TENM1: variants seen among roughly 807,000 people sequenced by gnomAD.
TENM1 encodes the protein teneurin transmembrane protein 1.
A neutral mutation model predicts 174.8 loss-of-function variants in TENM1; 35 were observed. The observed-to-expected ratio is 0.20, with a 90% CI of 0.15 to 0.27. The LOEUF (loss-of-function observed/expected upper bound fraction) is 0.27. Ranked by LOEUF, TENM1 falls within the 10% of genes least tolerant of loss-of-function variation. The probability of loss-of-function intolerance (pLI) is 1.00; values close to 1 mark genes in which losing one functional copy is unlikely to be tolerated. For missense variants in TENM1, 1,633 were observed against 2,130.1 expected (o/e 0.77, Z 4.59); for synonymous variants, 781 against 798.7 (o/e 0.98, Z 0.37).
At chrX:124,410,310 C>T (rs781523304) in intron 25 of TENM1, among the ~76,000 whole-genome samples, 192 of 111,825 alleles carry the variant, frequency 1.7e-3, no homozygotes, top group African/African-American at 5.9e-3. Context: ...GAAAACTGGC[C>T]AGCCATATGT....
At chrX:124,924,197 T>C (rs2058061147) in intron 1 of TENM1, among the ~76,000 whole-genome samples, 1 of 111,979 alleles carries the variant, frequency 8.9e-6, no homozygotes, top group Admixed American at 9.5e-5. Context: ...AACCCCTTCT[T>C]AGAAATCTGC....
At chrX:124,937,750 A>G (rs2058267287) in intron 1 of TENM1, among the ~76,000 whole-genome samples, 1 of 111,973 alleles carries the variant, frequency 8.9e-6, no homozygotes, top group South Asian at 3.7e-4. Context: ...GATACTGATT[A>G]TACTGCAAGG....
chrX:124,944,407 C>G (rs1032680308), intron 1 of TENM1, among the ~76,000 whole-genome samples: 3 of 110,639 alleles, frequency 2.7e-5, no homozygotes, highest in Non-Finnish European at 5.7e-5. Context: ...CATCTCTATA[C>G]AGGCAGCTCA....
the TENM1 span, among the ~76,000 whole-genome samples, chrX:125,099,603 G>C: frequency 5.4e-5 from 6 of 111,947 alleles, no homozygotes; most frequent in Non-Finnish European, 1.1e-4. Flanking sequence ...AAAGAAAGCA[G>C]CTTCCAGTAA....
At position 124,901,367 on chromosome X, in the gene TENM1, C is replaced by T. The variant is rs141385783; in HGVS notation, c.218-5126G>A. Among the ~76,000 whole-genome samples the T allele has an allele frequency of 1.7e-3, 186 of 111,689 alleles. 1 individual carries two copies. The highest frequency in any genetic ancestry group is 5.8e-3 in the African/African-American group (178 of 30,754). On this transcript the variant is annotated intron_variant, in intron 1 of 31. Coordinates refer to ENST00000422452, the Ensembl canonical transcript of TENM1. ...AAATAAATGACTCTACTTTCTGAAT[C>T]TAGGGGTTGATCATCAGGTGTTCAG...
At chrX:124,527,179 C>T (rs1474570828) in intron 16 of TENM1, among the ~76,000 whole-genome samples, 5 of 111,908 alleles carry the variant, frequency 4.5e-5, no homozygotes, top group Non-Finnish European at 9.4e-5. Flanking sequence ...ATACAGTAGA[C>T]ACTCATAAAC....
chrX:124,547,922 T>C (rs952410378), intron 14 of TENM1, among the ~76,000 whole-genome samples: 1 of 112,029 alleles, frequency 8.9e-6, no homozygotes, highest in Admixed American at 9.4e-5. Context: ...CTGCAAGTTC[T>C]GCCTCCCGGG....
chrX:124,740,668 G>A (rs1418635568), intron 3 of TENM1, among the ~76,000 whole-genome samples: 1 of 111,867 alleles, frequency 8.9e-6, no homozygotes, highest in Non-Finnish European at 1.9e-5. Flanking sequence ...AAGCCTTTAT[G>A]AAATGCAAAT....
intron 22 of TENM1, among the ~76,000 whole-genome samples, chrX:124,465,041 C>T (rs931079051): frequency 9.0e-6 from 1 of 111,506 alleles, no homozygotes; most frequent in Non-Finnish European, 1.9e-5. Flanking sequence ...GGCTAGAAGC[C>T]AGAAGATCCA....
intron 22 of TENM1, among the ~76,000 whole-genome samples, chrX:124,455,241 T>C (rs2061091946): frequency 8.9e-6 from 1 of 112,091 alleles, no homozygotes; most frequent in African/African-American, 3.2e-5. Flanking sequence ...GGGAATTCCA[T>C]GTCCATAAAT....
chrX:124,947,849 T>G (rs1417984043), intron 1 of TENM1, among the ~76,000 whole-genome samples: 2 of 112,078 alleles, frequency 1.8e-5, no homozygotes, highest in African/African-American at 3.2e-5. Flanking sequence ...CCAATTCTAG[T>G]TATCCTAACC....
the TENM1 span, among the ~76,000 whole-genome samples, chrX:125,033,949 C>T: frequency 8.9e-6 from 1 of 111,820 alleles, no homozygotes; most frequent in African/African-American, 3.2e-5. Context: ...AAGAATACCA[C>T]TTTGGATGTC....
At chrX:124,422,539 G>T in exon 24 of TENM1, 1 of 1,210,537 alleles carries the variant, frequency 8.3e-7, no homozygotes, top group Non-Finnish European at 1.1e-6. Context: ...ATCCGAACAC[G>T]CCTGTTCTCA....
At chrX:125,201,821 G>T in the TENM1 span, among the ~76,000 whole-genome samples, 7 of 111,814 alleles carry the variant, frequency 6.3e-5, no homozygotes, top group African/African-American at 1.9e-4. Flanking sequence ...CTTTGCCATA[G>T]TAAATTATTT....
chrX:125,079,671 T>C, the TENM1 span, among the ~76,000 whole-genome samples: 1 of 111,591 alleles, frequency 9.0e-6, no homozygotes, highest in African/African-American at 3.2e-5. Context: ...GTCCTATCCA[T>C]TCAAACAGGC....
At chrX:124,573,997 G>A (rs1258622469) in intron 11 of TENM1, among the ~76,000 whole-genome samples, 1 of 111,909 alleles carries the variant, frequency 8.9e-6, no homozygotes, top group East Asian at 2.8e-4. Flanking sequence ...TTTCTATCTT[G>A]TTGAAAATAC....
chrX:124,483,163 C>T (rs2046881685), intron 21 of TENM1, among the ~76,000 whole-genome samples: 1 of 111,661 alleles, frequency 9.0e-6, no homozygotes. Context: ...GTGTGTTAGC[C>T]AAGCCTTTCT....
At chrX:124,894,221 C>T in intron 3 of TENM1, 75 bp downstream of exon 6, 1 of 785,038 alleles carries the variant, frequency 1.3e-6, no homozygotes, top group South Asian at 2.3e-5. Context: ...AGCAGGGTTC[C>T]ATTTTGTGGG....
At chrX:124,588,163 C>T (rs1490065039) in intron 11 of TENM1, among the ~76,000 whole-genome samples, 4 of 111,400 alleles carry the variant, frequency 3.6e-5, no homozygotes, top group Non-Finnish European at 1.9e-5. Context: ...ACTAGAAATA[C>T]CATTTGACCC....
Sources: allele counts gnomAD v4.1 joint callset (sites outside exome capture counted in the v4.1 genomes callset), GRCh38; gene constraint gnomAD v4.1.1; transcripts MANE v1.5; gene names NCBI Gene and HGNC (gene_info 2026-07-23, HGNC 2026-07-21).